CSMD1: variants seen among roughly 807,000 people sequenced by gnomAD.
CSMD1 encodes CUB and Sushi multiple domains 1.
A neutral mutation model predicts 417.5 loss-of-function variants in CSMD1; 213 were observed. The ratio of observed to expected loss-of-function variants is 0.51; its 90% CI spans 0.46 to 0.57. CSMD1 has a LOEUF of 0.57. Among genes scored for constraint, CSMD1 ranks in the 20% least tolerant of loss-of-function variants. The probability of loss-of-function intolerance (pLI) is 0.00; values close to 1 mark genes in which losing one functional copy is unlikely to be tolerated. For missense variants in CSMD1, 6,923 were observed against 4,529.7 expected, an observed-to-expected ratio of 1.53 and a Z score of -15.17; for synonymous variants, 2,862 against 1,736.8, an observed-to-expected ratio of 1.65 and a Z score of -16.11.
chr8:4,975,817 T>G (rs1810525413), intron 1 of CSMD1, among the ~76,000 whole-genome samples: 1 of 147,610 alleles, frequency 6.8e-6, no homozygotes, highest in Non-Finnish European at 1.5e-5. Context: ...GCATTTTTTT[T>G]GCAATAATAG....
chr8:4,345,904 T>C (rs1045880288), intron 3 of CSMD1, among the ~76,000 whole-genome samples: 3 of 152,102 alleles, frequency 2.0e-5, no homozygotes, highest in African/African-American at 7.2e-5. Context: ...GTGTATTCAG[T>C]CAAGACGTAA....
chr8:3,588,856 T>C (rs901927009), intron 8 of CSMD1, among the ~76,000 whole-genome samples: 3 of 151,954 alleles, frequency 2.0e-5, no homozygotes, highest in Admixed American at 1.3e-4. Flanking sequence ...TATCCACAAA[T>C]ACAAAGAACT....
At chr8:4,161,173 G>C (rs1417235505) in intron 3 of CSMD1, among the ~76,000 whole-genome samples, 1 of 151,458 alleles carries the variant, frequency 6.6e-6, no homozygotes, top group Non-Finnish European at 1.5e-5. Context: ...GAAGGATGAA[G>C]TACTTGCAAT....
Position 4,248,671 on chromosome 8 carries a change from C to T in CSMD1, c.415+171282G>A, listed in dbSNP as rs143369292. On this transcript the variant is annotated intron_variant, in intron 3 of 69. Transcript: ENST00000635120. The stretch of plus-strand genomic sequence containing the variant: ...ATTAAGGACCACCCACCATCAGCCT[C>T]CTGTCCTGCCCTAGACATTACCAAC... Among the ~76,000 whole-genome samples the T allele has an allele frequency of 2.5e-3, 387 of 152,240 alleles. 1 individual carries two copies. The highest frequency in any genetic ancestry group is 8.7e-3 in the African/African-American group (360 of 41,560).
chr8:4,469,044 A>G (rs1447327982), intron 2 of CSMD1, among the ~76,000 whole-genome samples: 9 of 152,220 alleles, frequency 5.9e-5, no homozygotes, highest in African/African-American at 2.2e-4. Context: ...TACTCTCTAA[A>G]TGAAATTTTA....
At chr8:3,057,382 A>T (rs1314309383) in intron 49 of CSMD1, among the ~76,000 whole-genome samples, 2 of 152,184 alleles carry the variant, frequency 1.3e-5, no homozygotes, top group Non-Finnish European at 2.9e-5. Flanking sequence ...ATTCAAAATC[A>T]GGGTCATTAA....
intron 49 of CSMD1, among the ~76,000 whole-genome samples, chr8:3,054,896 A>G (rs949275119): frequency 3.3e-5 from 5 of 152,302 alleles, no homozygotes; most frequent in African/African-American, 1.2e-4. Context: ...GAAAATATTC[A>G]TCTTAATTTC....
chr8:4,139,539 T>C (rs1033337213), intron 3 of CSMD1, among the ~76,000 whole-genome samples: 2 of 150,932 alleles, frequency 1.3e-5, no homozygotes, highest in Admixed American at 6.6e-5. Context: ...GTGGCACTCA[T>C]CCTGCACGAC....
intron 3 of CSMD1, among the ~76,000 whole-genome samples, chr8:4,401,166 G>C (rs1171517957): frequency 6.6e-6 from 1 of 152,092 alleles, no homozygotes; most frequent in South Asian, 2.1e-4. Flanking sequence ...CATCAAAACA[G>C]GGGTTCCATC....
intron 18 of CSMD1, among the ~76,000 whole-genome samples, chr8:3,371,477 C>CT (rs11443729): frequency 0.33 from 47,921 of 146,732 alleles, 8,259 homozygotes; most frequent in African/African-American, 0.47. Context: ...GGTTCCTTTG[C>CT]TTTTTTTTTT....
intron 17 of CSMD1, among the ~76,000 whole-genome samples, chr8:3,395,746 GAAACGTGTCTATC>G (rs1811651740): frequency 6.6e-6 from 1 of 152,172 alleles, no homozygotes; most frequent in Non-Finnish European, 1.5e-5. Context: ...TTCACCCAGT[GAAACGTGTCTATC>G]TATACTCAGA....
Position 4,096,993 on chromosome 8 carries a change from G to C in CSMD1, c.416-64894C>G, listed in dbSNP as rs188035127. Among the ~76,000 whole-genome samples the C allele has an allele frequency of 1.9e-3, 285 of 152,272 alleles. 1 individual carries two copies. Among genetic ancestry groups the C allele is most frequent in the Non-Finnish European group, 3.0e-3 (207 of 68,020 alleles). On this transcript the variant is annotated intron_variant, in intron 3 of 69. Coordinates refer to ENST00000635120, the MANE Select transcript of CSMD1 (RefSeq NM_033225.6). The stretch of plus-strand genomic sequence containing the variant: ...GAGTAAATTCAAAGGGATGGGCAGA[G>C]ATAAAATCTTTGAAAATTATTTTTC...
intron 1 of CSMD1, among the ~76,000 whole-genome samples, chr8:4,804,224 A>G (rs548426235): frequency 6.6e-6 from 1 of 152,352 alleles, no homozygotes; most frequent in South Asian, 2.1e-4. Flanking sequence ...TAACTAGATG[A>G]GTTAAAATAC....
At chr8:4,070,515 G>T (rs978116878) in intron 3 of CSMD1, among the ~76,000 whole-genome samples, 1 of 151,892 alleles carries the variant, frequency 6.6e-6, no homozygotes, top group Non-Finnish European at 1.5e-5. Flanking sequence ...CCGCCACCAC[G>T]GCCGGCTATT....
In CSMD1 at chr8:4,639,784, T is replaced by C. The variant is rs141709605; in HGVS notation, c.86-2226A>G. 4.5e-3 allele frequency among the ~76,000 whole-genome samples: 683 copies of C among 152,322 alleles called. 4 individuals carry two copies. The highest frequency in any genetic ancestry group is 0.024 in the Middle Eastern group (7 of 294). On this transcript the variant is annotated intron_variant, in intron 1 of 69. Coordinates refer to ENST00000635120, the MANE Select transcript of CSMD1 (RefSeq NM_033225.6). ...GCTCAAATCATTCACAGTAATATTA[T>C]CAAATGCTTGTGGGAGTTGGCAAAA...
At chr8:4,479,595 G>A (rs900040183) in intron 2 of CSMD1, among the ~76,000 whole-genome samples, 1 of 152,018 alleles carries the variant, frequency 6.6e-6, no homozygotes, top group African/African-American at 2.4e-5. Flanking sequence ...TTAGTTGACT[G>A]CTTTAAAAAT....
chr8:4,334,355 G>C (rs1272234978), intron 3 of CSMD1, among the ~76,000 whole-genome samples: 2 of 152,130 alleles, frequency 1.3e-5, no homozygotes, highest in Admixed American at 6.6e-5. Flanking sequence ...TAATAAAGCA[G>C]GTGACCCTCC....
chr8:2,961,365 G>A lies in CSMD1; in HGVS notation c.9629-151C>T, dbSNP rs146831226. The stretch of plus-strand genomic sequence containing the variant: ...TTTCAGGAAAGTTAAAAATTAAATT[G>A]CTACTTTTATCTTCTCTTCAAGACA... On this transcript the variant is annotated intron_variant, in intron 61 of 69. Coordinates refer to ENST00000635120, the MANE Select transcript of CSMD1 (RefSeq NM_033225.6). 1.5e-3 allele frequency among the ~76,000 whole-genome samples: 227 copies of A among 152,194 alleles called. 1 individual carries two copies. The highest frequency in any genetic ancestry group is 5.4e-3 in the African/African-American group (223 of 41,542).
intron 3 of CSMD1, among the ~76,000 whole-genome samples, chr8:4,393,216 T>C (rs1472112361): frequency 6.6e-6 from 1 of 152,108 alleles, no homozygotes; most frequent in African/African-American, 2.4e-5. Context: ...GCTAAATTGA[T>C]CTACCCACAT....
Sources: gnomAD v4.1 joint callset for allele counts (sites outside exome capture counted in the v4.1 genomes callset) on GRCh38, gnomAD v4.1.1 for gene constraint, MANE v1.5 for transcripts, NCBI Gene and HGNC (gene_info 2026-07-23, HGNC 2026-07-21) for gene names.